The following GRM1 variants were observed in gnomAD, a reference collection of about 807,000 sequenced individuals.
GRM1 encodes metabotropic glutamate receptor 1.
A neutral mutation model predicts 90.9 loss-of-function variants in GRM1; 33 were observed. The observed-to-expected ratio is 0.36, with a 90% CI of 0.28 to 0.49. The LOEUF is 0.49. Ranked by LOEUF, GRM1 falls within the 20% of genes least tolerant of loss-of-function variation. GRM1 has a pLI of 0.99. For synonymous variants in GRM1, 700 were observed against 613.2 expected (o/e 1.14, Z -2.09); for missense variants, 1,190 against 1,534.3 (o/e 0.78, Z 3.75).
At chr6:146,353,806 A>G (rs1326222169) in intron 4 of GRM1, among the ~76,000 whole-genome samples, 1 of 151,996 alleles carries the variant, frequency 6.6e-6, no homozygotes, top group Non-Finnish European at 1.5e-5. Flanking sequence ...CTTTTTTTGT[A>G]TTTTTAGTAG....
chr6:146,167,919 G>A (rs577255488), intron 2 of GRM1, among the ~76,000 whole-genome samples: 1 of 151,690 alleles, frequency 6.6e-6, no homozygotes, highest in African/African-American at 2.4e-5. Context: ...TTCTTTTATG[G>A]TTTATATTCT....
At chr6:146,313,421 T>G (rs1355328535) in intron 3 of GRM1, among the ~76,000 whole-genome samples, 1 of 152,226 alleles carries the variant, frequency 6.6e-6, no homozygotes, top group African/African-American at 2.4e-5. Flanking sequence ...AATCTATGAC[T>G]GTTCATAAAT....
intron 2 of GRM1, among the ~76,000 whole-genome samples, chr6:146,262,816 T>C (rs1781750293): frequency 6.6e-6 from 1 of 151,884 alleles, no homozygotes; most frequent in Admixed American, 6.6e-5. Flanking sequence ...TGAGTAAATG[T>C]TTAAACCCCA....
In GRM1 at chr6:146,029,945, A is replaced by G; in HGVS notation, c.428A>G (p.Asp143Gly). The G allele has an allele frequency of 6.2e-7, 1 of 1,614,022 alleles. No individual in the cohort carries two copies. Among genetic ancestry groups the G allele is most frequent in the Non-Finnish European group, 8.5e-7 (1 of 1,179,984 alleles). The change falls in exon 1 of 8, where the codon GAC (aspartate) becomes GGC (glycine). Residue 143 changes from aspartate to glycine, a missense_variant. Physicochemically the swap from Asp to Gly is moderately conservative, Grantham distance 94. Around this residue, in one of 10 missense-constraint regions of GRM1, gnomAD observed 91 missense variants for 95.6 expected, o/e 0.95. Coordinates refer to ENST00000282753, the MANE Select transcript of GRM1 (RefSeq NM_001278064.2). ...GATGGGATCAACCGGTGTCTGCCTG[A>G]CGGCCAGTCCCTCCCCCCAGGCAGG... ...EKDGINRCLP[D>G]GQSLPPGRTK...
At chr6:146,213,725 T>TAGAGAGAG (rs879272085) in intron 2 of GRM1, among the ~76,000 whole-genome samples, 2 of 150,478 alleles carry the variant, frequency 1.3e-5, no homozygotes, top group Non-Finnish European at 3.0e-5. Context: ...GATAGATAGA[T>TAGAGAGAG]AGATAGATAG....
At position 146,277,405 on chromosome 6, in the gene GRM1, T is replaced by A. The variant is rs374330173; in HGVS notation, c.951-27206T>A. Among the ~76,000 whole-genome samples the A allele has an allele frequency of 3.3e-5, 5 of 152,162 alleles. No homozygotes were observed. The East Asian group carries it at 9.6e-4, about 29-fold the overall frequency. On this transcript the variant is annotated intron_variant, in intron 2 of 7. Transcript: ENST00000282753. ...CTTGGGCCACCCAGCACCGGTTAGA[T>A]CAAATAGTTTAGGCTAACAGTATGA...
chr6:146,213,733 TA>T (rs1779763952), intron 2 of GRM1, among the ~76,000 whole-genome samples: 2 of 150,612 alleles, frequency 1.3e-5, no homozygotes, highest in Non-Finnish European at 3.0e-5. Flanking sequence ...GATAGATAGA[TA>T]GATGGATGAA....
chr6:146,245,416 G>A (rs988155862), intron 2 of GRM1, among the ~76,000 whole-genome samples: 7 of 152,048 alleles, frequency 4.6e-5, no homozygotes, highest in Non-Finnish European at 4.4e-5. Context: ...AGGTTTCTAC[G>A]AATAAACACC....
intron 2 of GRM1, among the ~76,000 whole-genome samples, chr6:146,174,462 C>G (rs375438224): frequency 6.6e-6 from 1 of 152,116 alleles, no homozygotes; most frequent in African/African-American, 2.4e-5. Context: ...TGCAAAGGAG[C>G]TGGAATTGCA....
chr6:146,191,666 A>C (rs1239186179), intron 2 of GRM1, among the ~76,000 whole-genome samples: 1 of 151,992 alleles, frequency 6.6e-6, no homozygotes, highest in Non-Finnish European at 1.5e-5. Context: ...TGTTTCTTTA[A>C]TTAATCTTTT....
At chr6:146,219,763 G>A (rs1391727245) in intron 2 of GRM1, among the ~76,000 whole-genome samples, 2 of 152,102 alleles carry the variant, frequency 1.3e-5, no homozygotes, top group Non-Finnish European at 2.9e-5. Context: ...ACAGAGAAAG[G>A]GAATGTGAAT....
chr6:146,410,295 CTG>C (rs1490594068), intron 7 of GRM1, among the ~76,000 whole-genome samples: 5 of 152,100 alleles, frequency 3.3e-5, no homozygotes, highest in African/African-American at 1.2e-4. Flanking sequence ...ATTTTGCAAA[CTG>C]TGGACAATTT....
Position 146,259,292 on chromosome 6 carries a change from C to A in GRM1, c.951-45319C>A, listed in dbSNP as rs139404155. Among the ~76,000 whole-genome samples the A allele has an allele frequency of 4.0e-3, 602 of 152,282 alleles. 5 individuals carry two copies. Among genetic ancestry groups the A allele is most frequent in the African/African-American group, 0.013 (537 of 41,562 alleles). ...CCTCTCTCAGTGCTTATCACACTGA[C>A]TTTGGTTTTTAATTGTGTAAGAATA... On this transcript the variant is annotated intron_variant, in intron 2 of 7. Transcript: ENST00000282753.
chr6:146,418,248 G>A (rs1777857244), intron 7 of GRM1, among the ~76,000 whole-genome samples: 1 of 151,914 alleles, frequency 6.6e-6, no homozygotes, highest in Admixed American at 6.6e-5. Flanking sequence ...TTTTTTAAGT[G>A]AAAGAAAATA....
intron 2 of GRM1, among the ~76,000 whole-genome samples, chr6:146,275,142 G>A (rs1782307314): frequency 6.6e-6 from 1 of 152,090 alleles, no homozygotes; most frequent in East Asian, 1.9e-4. Flanking sequence ...AAACTAAGTG[G>A]ATGCTTATTT....
At chr6:146,314,724 C>T (rs1262938932) in intron 3 of GRM1, among the ~76,000 whole-genome samples, 1 of 152,028 alleles carries the variant, frequency 6.6e-6, no homozygotes, top group Non-Finnish European at 1.5e-5. Flanking sequence ...AGAGTGTATT[C>T]CATCATTCCA....
At chr6:146,223,076 CAGCTGTAAGCAACATAT>C (rs1780125704) in intron 2 of GRM1, among the ~76,000 whole-genome samples, 2 of 151,904 alleles carry the variant, frequency 1.3e-5, no homozygotes, top group African/African-American at 4.8e-5. Context: ...AGAGTAAAGC[CAGCTGTAAGCAACATAT>C]AGCTGTAAGC....
chr6:146,213,411 G>A (rs1484561152), intron 2 of GRM1, among the ~76,000 whole-genome samples: 2 of 152,094 alleles, frequency 1.3e-5, no homozygotes, highest in South Asian at 2.1e-4. Context: ...CAAGAAGGGG[G>A]CAGATTTGCA....
chr6:146,392,712 C>T (rs369526381), intron 6 of GRM1, among the ~76,000 whole-genome samples: 12 of 152,094 alleles, frequency 7.9e-5, no homozygotes, highest in African/African-American at 2.2e-4. Context: ...CAGTCTCTGG[C>T]GTATGATGTT....
Sources: gnomAD v4.1 joint callset for allele counts (sites outside exome capture counted in the v4.1 genomes callset) on GRCh38, gnomAD v4.1.1 for gene constraint, gnomAD v4.1.1 regional missense constraint, MANE v1.5 for transcripts, NCBI Gene and HGNC (gene_info 2026-07-23, HGNC 2026-07-21) for gene names.